EPM2A: variants seen among roughly 807,000 people sequenced by gnomAD.
The protein encoded by EPM2A is laforin.
A neutral mutation model predicts 26.5 loss-of-function variants in EPM2A; 21 were observed. The observed-to-expected ratio is 0.79, with a 90% CI of 0.56 to 1.14. EPM2A has a LOEUF of 1.14. Among genes scored for constraint, EPM2A ranks in the 50% most tolerant of loss-of-function variants. The pLI is 0.00. For missense variants in EPM2A, 458 were observed against 440.8 expected (o/e 1.04, Z -0.35); for synonymous variants, 217 against 177.6 (o/e 1.22, Z -1.76).
chr6:145,616,972 T>C (rs1312432005), intron 2 of EPM2A, among the ~76,000 whole-genome samples: 1 of 152,316 alleles, frequency 6.6e-6, no homozygotes, highest in Non-Finnish European at 1.5e-5. Context: ...GAGTTAATGC[T>C]GAAATGAGTT....
chr6:145,423,067 T>C (rs1778810217), intron 4 of EPM2A, among the ~76,000 whole-genome samples: 1 of 152,144 alleles, frequency 6.6e-6, no homozygotes, highest in Non-Finnish European at 1.5e-5. Flanking sequence ...ATACAAAATA[T>C]ATGGTCTTTT....
At chr6:145,668,550 G>A (rs1779406471) in intron 2 of EPM2A, among the ~76,000 whole-genome samples, 1 of 152,066 alleles carries the variant, frequency 6.6e-6, no homozygotes, top group Admixed American at 6.5e-5. Context: ...GTCAGAAATT[G>A]ATGATAGACT....
At chr6:145,470,800 T>A (rs1340349049) in intron 4 of EPM2A, among the ~76,000 whole-genome samples, 1 of 152,174 alleles carries the variant, frequency 6.6e-6, no homozygotes, top group Non-Finnish European at 1.5e-5. Context: ...AGTTGTTGAA[T>A]TTCATTAAAT....
chr6:145,585,336 T>C (rs555429479), intron 2 of EPM2A, among the ~76,000 whole-genome samples: 1 of 152,148 alleles, frequency 6.6e-6, no homozygotes, highest in Non-Finnish European at 1.5e-5. Flanking sequence ...TTTTTTACTC[T>C]CCTAAGGGAC....
At chr6:145,484,729 G>T (rs564505454) in intron 4 of EPM2A, among the ~76,000 whole-genome samples, 1 of 151,880 alleles carries the variant, frequency 6.6e-6, no homozygotes, top group South Asian at 2.1e-4. Flanking sequence ...CCACATAAAT[G>T]TTATTTGAAT....
At chr6:145,491,001 A>G (rs1022597798) in intron 4 of EPM2A, 22 of 926,708 alleles carry the variant, frequency 2.4e-5, no homozygotes, top group African/African-American at 3.3e-5. Context: ...CTTCACTTCA[A>G]TTGTGCCTTC....
intron 1 of EPM2A, among the ~76,000 whole-genome samples, chr6:145,732,099 G>T (rs1776516476): frequency 6.6e-6 from 1 of 152,000 alleles, no homozygotes; most frequent in Non-Finnish European, 1.5e-5. Flanking sequence ...CCAAAGAAAT[G>T]ATTAAGGTTT....
chr6:145,622,120 C>G (rs1214558747), downstream of EPM2A, among the ~76,000 whole-genome samples: 1 of 152,124 alleles, frequency 6.6e-6, no homozygotes, highest in Non-Finnish European at 1.5e-5. Flanking sequence ...TTTTTGAGGA[C>G]AGCAATCATT....
intron 2 of EPM2A, among the ~76,000 whole-genome samples, chr6:145,662,473 A>G (rs935225016): frequency 1.3e-5 from 2 of 152,156 alleles, no homozygotes; most frequent in Non-Finnish European, 2.9e-5. Context: ...GATACTTGTT[A>G]AAGCAAGGTA....
intron 4 of EPM2A, among the ~76,000 whole-genome samples, chr6:145,446,006 T>C (rs895611610): frequency 2.0e-5 from 3 of 152,196 alleles, no homozygotes; most frequent in African/African-American, 7.2e-5. Context: ...AGTTTAACTA[T>C]ACTGAGAGAA....
At chr6:145,494,429 G>T (rs1779792949) in intron 4 of EPM2A, among the ~76,000 whole-genome samples, 1 of 151,802 alleles carries the variant, frequency 6.6e-6, no homozygotes, top group Non-Finnish European at 1.5e-5. Context: ...TTTTCTCAAA[G>T]AATAAGCTCC....
At chr6:145,692,822 G>C (rs1781359391) in intron 1 of EPM2A, among the ~76,000 whole-genome samples, 1 of 152,076 alleles carries the variant, frequency 6.6e-6, no homozygotes, top group Admixed American at 6.5e-5. Context: ...CAATAGCCTT[G>C]TAGTATAGTT....
At chr6:145,545,549 G>A (rs1322496744) in intron 2 of EPM2A, among the ~76,000 whole-genome samples, 1 of 152,190 alleles carries the variant, frequency 6.6e-6, no homozygotes, top group Non-Finnish European at 1.5e-5. Flanking sequence ...AGAATTAGAA[G>A]TGATAATACA....
At chr6:145,460,668 G>C (rs1387172421) in intron 4 of EPM2A, among the ~76,000 whole-genome samples, 1 of 152,062 alleles carries the variant, frequency 6.6e-6, no homozygotes, top group Non-Finnish European at 1.5e-5. Flanking sequence ...GCCTGGGTGG[G>C]CAGGTGAGCA....
In EPM2A at chr6:145,626,990, C is replaced by A; in HGVS notation, c.*426G>T. ...TTCCTCCTTTGGCAACTGACCAGCT[C>A]ACGCACACATACTAGTGATGAAATC... On this transcript the variant is annotated 3_prime_UTR_variant, in exon 4 of 4. Transcript: ENST00000367519. 9.3e-7 allele frequency: 1 copy of A among 1,080,840 alleles called. No individual in the cohort carries two copies. The highest frequency in any genetic ancestry group is 1.1e-6 in the Non-Finnish European group (1 of 887,434). The allele number at this position is 1,080,840 out of a possible 1,614,324, so 67.0% of individuals were successfully genotyped here.
intron 2 of EPM2A, among the ~76,000 whole-genome samples, chr6:145,614,224 A>C (rs1775458148): frequency 6.6e-6 from 1 of 152,208 alleles, no homozygotes; most frequent in Non-Finnish European, 1.5e-5. Context: ...CTTCTTCTCC[A>C]ACCTCCTCGC....
At chr6:145,437,232 T>C (rs963486266) in intron 4 of EPM2A, among the ~76,000 whole-genome samples, 1 of 149,296 alleles carries the variant, frequency 6.7e-6, no homozygotes, top group Non-Finnish European at 1.5e-5. Flanking sequence ...GCCCCCCTCC[T>C]GCCTCCATGT....
intron 1 of EPM2A, among the ~76,000 whole-genome samples, chr6:145,702,049 C>T (rs1781942706): frequency 6.6e-6 from 1 of 152,152 alleles, no homozygotes; most frequent in Non-Finnish European, 1.5e-5. Flanking sequence ...CCCTCCTCTT[C>T]CAGGTTTCCA....
chr6:145,729,875 C>T (rs560565885), intron 1 of EPM2A, among the ~76,000 whole-genome samples: 2 of 152,304 alleles, frequency 1.3e-5, no homozygotes, highest in South Asian at 4.1e-4. Context: ...AATCTCATGT[C>T]TGAATTATAA....
Sources: allele counts gnomAD v4.1 joint callset (sites outside exome capture counted in the v4.1 genomes callset), GRCh38; gene constraint gnomAD v4.1.1; transcripts MANE v1.5; gene names NCBI Gene and HGNC (gene_info 2026-07-23, HGNC 2026-07-21).